PEAK1: variants seen among roughly 807,000 people sequenced by gnomAD.
PEAK1 encodes inactive tyrosine-protein kinase PEAK1.
Under a neutral mutation model 124.7 loss-of-function variants are expected in PEAK1, and 54 were observed. That is an observed-to-expected ratio of 0.43 (90% CI 0.35 to 0.54). The LOEUF (loss-of-function observed/expected upper bound fraction) is 0.54. Ranked by LOEUF, PEAK1 falls within the 20% of genes least tolerant of loss-of-function variation. The pLI is 0.01. For missense variants in PEAK1, 2,046 were observed against 2,134.5 expected (o/e 0.96, Z 0.82); for synonymous variants, 719 against 760.0 (o/e 0.95, Z 0.89).
intron 2 of PEAK1, among the ~76,000 whole-genome samples, chr15:77,340,945 C>T (rs1006148746): frequency 1.3e-5 from 2 of 150,266 alleles, no homozygotes; most frequent in African/African-American, 4.9e-5. Flanking sequence ...ACTATACTTA[C>T]AATTATAGCT....
intron 6 of PEAK1, among the ~76,000 whole-genome samples, chr15:77,186,454 A>G (rs1321456873): frequency 6.6e-6 from 1 of 152,208 alleles, no homozygotes; most frequent in Non-Finnish European, 1.5e-5. Flanking sequence ...ACTCACCAGG[A>G]ACACCATTTG....
intron 2 of PEAK1, among the ~76,000 whole-genome samples, chr15:77,357,339 C>G (rs2067584285): frequency 6.6e-6 from 1 of 152,242 alleles, no homozygotes; most frequent in Admixed American, 6.5e-5. Context: ...GTGGTGCAAT[C>G]TTGGCTCACT....
chr15:77,358,631 C>T (rs1341757941), intron 2 of PEAK1, among the ~76,000 whole-genome samples: 1 of 152,154 alleles, frequency 6.6e-6, no homozygotes, highest in Non-Finnish European at 1.5e-5. Flanking sequence ...TGACAAAGTC[C>T]CTGACTTCAA....
chr15:77,137,595 ATT>A (rs1311017754), intron 8 of PEAK1, among the ~76,000 whole-genome samples: 1 of 152,158 alleles, frequency 6.6e-6, no homozygotes, highest in Non-Finnish European at 1.5e-5. Flanking sequence ...GTTCTGGCCA[ATT>A]TCTCCCATTT....
intron 1 of PEAK1, among the ~76,000 whole-genome samples, chr15:77,394,254 T>C (rs2070719410): frequency 6.6e-6 from 1 of 152,152 alleles, no homozygotes. Context: ...TATCTGCTGA[T>C]TGTAGAGTTC....
At position 77,413,427 on chromosome 15, in the gene PEAK1, T is replaced by C. The variant is rs566779326; in HGVS notation, c.-666+6579A>G. Among the ~76,000 whole-genome samples the C allele has an allele frequency of 6.6e-5, 10 of 152,300 alleles. No homozygotes were observed. In the South Asian group the frequency reaches 2.1e-3, roughly 32 times the overall value. ...TGCTCACAAGTGATAAATTATTTGATATCATGCACCTCCTGTATGAAATAA... is the reference window on the plus strand; with the variant it reads ...TGCTCACAAGTGATAAATTATTTGACATCATGCACCTCCTGTATGAAATAA... On this transcript the variant is annotated intron_variant, in intron 1 of 9. Coordinates refer to ENST00000682557, the MANE Select transcript of PEAK1 (RefSeq NM_001385026.1).
chr15:77,388,087 T>C (rs1184660946), intron 1 of PEAK1, among the ~76,000 whole-genome samples: 1 of 152,076 alleles, frequency 6.6e-6, no homozygotes, highest in African/African-American at 2.4e-5. Flanking sequence ...CAGCTACTTG[T>C]GGGGCTTGAG....
intron 9 of PEAK1, among the ~76,000 whole-genome samples, chr15:77,120,834 G>GC (rs1279469661): frequency 6.6e-6 from 1 of 152,112 alleles, no homozygotes; most frequent in Admixed American, 6.6e-5. Flanking sequence ...ACTATATTGA[G>GC]CTATCTGCAG....
intron 5 of PEAK1, among the ~76,000 whole-genome samples, chr15:77,280,453 A>G (rs1190773329): frequency 3.9e-5 from 6 of 152,182 alleles, no homozygotes; most frequent in African/African-American, 1.4e-4. Context: ...TAATAGATAC[A>G]TAAAGTGTAT....
chr15:77,371,783 G>A (rs777865885), intron 1 of PEAK1, among the ~76,000 whole-genome samples: 1 of 152,216 alleles, frequency 6.6e-6, no homozygotes, highest in Non-Finnish European at 1.5e-5. Flanking sequence ...AGCTACTCGG[G>A]AGGCTGAGAC....
chr15:77,304,597 G>A (rs778800657), intron 2 of PEAK1, among the ~76,000 whole-genome samples: 12 of 151,890 alleles, frequency 7.9e-5, no homozygotes, highest in South Asian at 2.1e-4. Context: ...ACAGGTGCCC[G>A]CCACCACGTC....
intron 6 of PEAK1, 25 bp from the exon 7 acceptor site, chr15:77,182,065 A>G: frequency 1.5e-6 from 2 of 1,371,210 alleles, no homozygotes; most frequent in Non-Finnish European, 9.4e-7. Context: ...AGAAGACAAA[A>G]AATCTGAATG....
intron 2 of PEAK1, among the ~76,000 whole-genome samples, chr15:77,314,432 G>A (rs1282716365): frequency 2.6e-5 from 4 of 151,918 alleles, no homozygotes; most frequent in Admixed American, 6.6e-5. Flanking sequence ...GCAATGGTGC[G>A]ATTTCAGCTC....
intron 6 of PEAK1, among the ~76,000 whole-genome samples, chr15:77,231,023 G>T (rs2059891339): frequency 6.6e-6 from 1 of 152,040 alleles, no homozygotes; most frequent in African/African-American, 2.4e-5. Flanking sequence ...TATAGGACCA[G>T]CCCAGTGTTG....
At chr15:77,106,361 A>G (rs150842482), downstream of PEAK1, 2 of 121,692 alleles carry the variant, frequency 1.6e-5, no homozygotes, top group Admixed American at 8.3e-5. Flanking sequence ...ATAAGTGACT[A>G]TTTATTTATT....
At chr15:77,197,955 G>T (rs1022938169) in intron 6 of PEAK1, among the ~76,000 whole-genome samples, 1 of 151,300 alleles carries the variant, frequency 6.6e-6, no homozygotes, top group African/African-American at 2.4e-5. Context: ...GAAAAAGATA[G>T]GTATGTCATG....
chr15:77,174,219 A>C (rs2056701004), intron 7 of PEAK1, among the ~76,000 whole-genome samples: 1 of 152,226 alleles, frequency 6.6e-6, no homozygotes. Flanking sequence ...CCCATAATGA[A>C]GGGCTCTATA....
At chr15:77,320,707 C>T (rs552432710) in intron 2 of PEAK1, among the ~76,000 whole-genome samples, 101 of 152,140 alleles carry the variant, frequency 6.6e-4, no homozygotes, top group African/African-American at 2.2e-3. Context: ...ATGGGCACAA[C>T]GTGCAGGTTA....
At chr15:77,320,661 A>G (rs2065144992) in intron 2 of PEAK1, among the ~76,000 whole-genome samples, 1 of 152,042 alleles carries the variant, frequency 6.6e-6, no homozygotes, top group South Asian at 2.1e-4. Context: ...TTTTTCCCCC[A>G]GCATTTTTTT....
Sources: allele counts gnomAD v4.1 joint callset (sites outside exome capture counted in the v4.1 genomes callset), GRCh38; gene constraint gnomAD v4.1.1; transcripts MANE v1.5; gene names NCBI Gene and HGNC (gene_info 2026-07-23, HGNC 2026-07-21).